CTNND2: variants seen among roughly 807,000 people sequenced by gnomAD.
CTNND2 encodes catenin delta-2.
A neutral mutation model predicts 144.4 loss-of-function variants in CTNND2; 22 were observed. The ratio of observed to expected loss-of-function variants is 0.15; its 90% CI spans 0.11 to 0.22. The LOEUF is 0.22. Ranked by LOEUF, CTNND2 falls within the 10% of genes least tolerant of loss-of-function variation. The probability of loss-of-function intolerance (pLI) is 1.00; values close to 1 mark genes in which losing one functional copy is unlikely to be tolerated. For missense variants in CTNND2, 1,353 were observed against 1,618.8 expected, an observed-to-expected ratio of 0.84 and a Z score of 2.82; for synonymous variants, 751 against 695.6, an observed-to-expected ratio of 1.08 and a Z score of -1.25.
At chr5:11,392,029 C>T (rs1759672680) in intron 6 of CTNND2, among the ~76,000 whole-genome samples, 1 of 152,172 alleles carries the variant, frequency 6.6e-6, no homozygotes, top group Non-Finnish European at 1.5e-5. Context: ...TTTCTCTCTG[C>T]CCAATGGTCC....
intron 2 of CTNND2, among the ~76,000 whole-genome samples, chr5:11,673,988 A>AT (rs1414360414): frequency 3.3e-5 from 5 of 152,214 alleles, no homozygotes; most frequent in Admixed American, 3.3e-4. Flanking sequence ...AGTTTTAAAT[A>AT]TGAAGCCGAA....
At chr5:11,880,908 TACC>T (rs1319757820) in intron 1 of CTNND2, among the ~76,000 whole-genome samples, 10 of 146,606 alleles carry the variant, frequency 6.8e-5, no homozygotes, top group South Asian at 4.2e-4. Flanking sequence ...TTACTACTAC[TACC>T]ACCACTACTA....
chr5:11,331,457 A>G (rs531384109), intron 9 of CTNND2, among the ~76,000 whole-genome samples: 1 of 152,308 alleles, frequency 6.6e-6, no homozygotes, highest in East Asian at 1.9e-4. Context: ...TAGCTCATAT[A>G]ATCAGTTACT....
Position 11,669,645 on chromosome 5 carries a change from T to C in CTNND2, c.174+62491A>G, listed in dbSNP as rs146049777. ...ATCATTTTTTATTGTGTCTATTTGA[T>C]TCTTCTCTCTTTTCTCATTAGTCCT... On this transcript the variant is annotated intron_variant, in intron 2 of 21. Coordinates refer to ENST00000304623, the MANE Select transcript of CTNND2 (RefSeq NM_001332.4). 3.9e-3 allele frequency among the ~76,000 whole-genome samples: 585 copies of C among 151,948 alleles called. 6 individuals carry two copies. Among genetic ancestry groups the C allele is most frequent in the African/African-American group, 0.013 (535 of 41,486 alleles).
chr5:11,067,465 A>C (rs2067592323), intron 16 of CTNND2, among the ~76,000 whole-genome samples: 1 of 152,240 alleles, frequency 6.6e-6, no homozygotes, highest in South Asian at 2.1e-4. Flanking sequence ...CCATGGGCCA[A>C]AGCGCAAGAG....
At chr5:11,137,464 T>A (rs1448210285) in intron 12 of CTNND2, among the ~76,000 whole-genome samples, 1 of 152,188 alleles carries the variant, frequency 6.6e-6, no homozygotes, top group Non-Finnish European at 1.5e-5. Context: ...TCCTTGCTTG[T>A]TATATTCAAG....
chr5:11,124,434 T>C (rs919965837), intron 12 of CTNND2, among the ~76,000 whole-genome samples: 2 of 152,224 alleles, frequency 1.3e-5, no homozygotes, highest in African/African-American at 4.8e-5. Flanking sequence ...ATGCCAATCA[T>C]ACTTTTCTCG....
intron 9 of CTNND2, among the ~76,000 whole-genome samples, chr5:11,314,846 GC>G (rs11336945): frequency 0.17 from 25,575 of 152,130 alleles, 2,472 homozygotes; most frequent in East Asian, 0.39. Flanking sequence ...GTATGGGGTA[GC>G]CAGGGGTGGC....
chr5:11,739,205 T>G (rs72734953), intron 1 of CTNND2, among the ~76,000 whole-genome samples: 4,332 of 152,284 alleles, frequency 0.028, 110 homozygotes, highest in Non-Finnish European at 0.046. Flanking sequence ...GTAAATTCTC[T>G]GATGTAATCT....
intron 2 of CTNND2, among the ~76,000 whole-genome samples, chr5:11,618,232 C>T (rs902927683): frequency 3.3e-5 from 5 of 152,220 alleles, no homozygotes; most frequent in East Asian, 1.9e-4. Flanking sequence ...TGGAGCTAGA[C>T]GTATTTCTGA....
intron 2 of CTNND2, among the ~76,000 whole-genome samples, chr5:11,662,973 G>A (rs1783357855): frequency 6.6e-6 from 1 of 152,198 alleles, no homozygotes; most frequent in South Asian, 2.1e-4. Context: ...GCACATCAGA[G>A]CATTATGTCA....
At chr5:11,786,080 A>G (rs1455741498) in intron 1 of CTNND2, among the ~76,000 whole-genome samples, 1 of 152,132 alleles carries the variant, frequency 6.6e-6, no homozygotes, top group Non-Finnish European at 1.5e-5. Context: ...CCAGACCCCC[A>G]TTCTGCAAGT....
Position 11,364,676 on chromosome 5 carries a change from G to T in CTNND2, c.1372+20C>A, listed in dbSNP as rs371207407. Reference sequence around the variant, plus strand: ...CCACCCCCTGTGGACAGGCCACCCAGTGGGGTCCTGATTACACACCTGTGC... The same window carrying T: ...CCACCCCCTGTGGACAGGCCACCCATTGGGGTCCTGATTACACACCTGTGC... On this transcript the variant is annotated intron_variant, in intron 8 of 21. Coordinates refer to ENST00000304623, the MANE Select transcript of CTNND2 (RefSeq NM_001332.4). 1 of 1,591,240 alleles carries T rather than the reference G, an allele frequency of 6.3e-7. No individual in the cohort carries two copies. The highest frequency in any genetic ancestry group is 1.1e-5 in the South Asian group (1 of 87,462).
intron 9 of CTNND2, among the ~76,000 whole-genome samples, chr5:11,250,491 C>CTCTCTA (rs869141186): frequency 0.068 from 4,365 of 63,918 alleles, 142 homozygotes; most frequent in Non-Finnish European, 0.083. Context: ...CTCTCTCTCT[C>CTCTCTA]TATATATATA....
At chr5:11,718,621 CA>C (rs570726578) in intron 2 of CTNND2, among the ~76,000 whole-genome samples, 104 of 140,040 alleles carry the variant, frequency 7.4e-4, no homozygotes, top group South Asian at 3.8e-3. Context: ...TCTTTTTTTA[CA>C]AAAAAAAAAA....
chr5:11,217,916 G>A (rs970697618), intron 10 of CTNND2, among the ~76,000 whole-genome samples: 7 of 151,976 alleles, frequency 4.6e-5, no homozygotes, highest in Non-Finnish European at 7.4e-5. Flanking sequence ...CCAAGGTTGC[G>A]GCTCATATTA....
At chr5:11,611,076 G>T (rs1385783230) in intron 2 of CTNND2, among the ~76,000 whole-genome samples, 1 of 152,144 alleles carries the variant, frequency 6.6e-6, no homozygotes, top group African/African-American at 2.4e-5. Flanking sequence ...TAATCATGCG[G>T]ACAGTTACCC....
In CTNND2 at chr5:11,623,061, C is replaced by T. The variant is rs114038471; in HGVS notation, c.175-58005G>A. Among the ~76,000 whole-genome samples the T allele has an allele frequency of 2.1e-3, 317 of 152,246 alleles. 1 individual carries two copies. Among genetic ancestry groups the T allele is most frequent in the African/African-American group, 6.5e-3 (272 of 41,550 alleles). Reference sequence around the variant, plus strand: ...TGAATGAGAATGAGAAACTTAACTACGCTGTTGGTCTTTGATATTTTTCCA... The same window carrying T: ...TGAATGAGAATGAGAAACTTAACTATGCTGTTGGTCTTTGATATTTTTCCA... On this transcript the variant is annotated intron_variant, in intron 2 of 21. Coordinates refer to ENST00000304623, the MANE Select transcript of CTNND2 (RefSeq NM_001332.4).
At chr5:11,243,951 G>A (rs902500222) in intron 9 of CTNND2, among the ~76,000 whole-genome samples, 4 of 152,196 alleles carry the variant, frequency 2.6e-5, no homozygotes, top group Admixed American at 2.6e-4. Context: ...GCAGGGCTGT[G>A]TGGACATTAT....
Sources: gnomAD v4.1 joint callset for allele counts (sites outside exome capture counted in the v4.1 genomes callset) on GRCh38, gnomAD v4.1.1 for gene constraint, MANE v1.5 for transcripts, NCBI Gene and HGNC (gene_info 2026-07-23, HGNC 2026-07-21) for gene names.